TIGIT: variants seen among roughly 807,000 people sequenced by gnomAD.
The protein encoded by TIGIT is T-cell immunoreceptor with Ig and ITIM domains.
TIGIT carries 11 observed loss-of-function variants against 19.6 expected under a neutral mutation model. That is an observed-to-expected ratio of 0.56 (90% CI 0.35 to 0.93). TIGIT has a LOEUF of 0.93. TIGIT is among the 40% of genes least tolerant of loss of function. The pLI is 0.01. For missense variants in TIGIT, 295 were observed against 303.9 expected (o/e 0.97, Z 0.22); for synonymous variants, 130 against 125.5 (o/e 1.04, Z -0.24).
intron 3 of TIGIT, among the ~76,000 whole-genome samples, chr3:114,300,850 T>A (rs139315981): frequency 7.2e-4 from 109 of 152,284 alleles, no homozygotes; most frequent in Admixed American, 2.5e-3. Context: ...AATCCCTTCA[T>A]GAGGGCAGAT....
chr3:114,299,569 A>T, intron 2 of TIGIT, 28 bp from the exon 3 acceptor site: 1 of 1,550,348 alleles, frequency 6.5e-7, no homozygotes, highest in Non-Finnish European at 8.9e-7. Context: ...GGCTTCTGCC[A>T]CTCATCTCTG....
At chr3:114,307,679 G>A (rs1196625873) in intron 3 of TIGIT, 5 of 556,256 alleles carry the variant, frequency 9.0e-6, no homozygotes, top group African/African-American at 5.6e-5. Context: ...TGTGTGGCAC[G>A]TGGTATATGT....
intron 3 of TIGIT, among the ~76,000 whole-genome samples, chr3:114,305,864 GGATAGATAGATAGATAGATA>G (rs747740694): frequency 4.1e-5 from 6 of 145,046 alleles, no homozygotes; most frequent in Non-Finnish European, 9.1e-5. Context: ...ATGGATGGAT[GGATAGATAGATAGATAGATA>G]GATAGATAGA....
chr3:114,304,816 G>A (rs966361369), intron 3 of TIGIT, among the ~76,000 whole-genome samples: 3 of 152,182 alleles, frequency 2.0e-5, no homozygotes, highest in African/African-American at 7.2e-5. Context: ...AGAAGCAGGT[G>A]GTTCCTGGCT....
At chr3:114,297,723 C>T (rs574455321) in intron 2 of TIGIT, among the ~76,000 whole-genome samples, 42 of 152,276 alleles carry the variant, frequency 2.8e-4, no homozygotes, top group African/African-American at 8.7e-4. Flanking sequence ...CACAGTGGCA[C>T]GGCTATTTCC....
rs778198855 is a variant in TIGIT, at chr3:114,299,690, C to T, written c.485C>T (p.Ala162Val). Reference protein sequence around the residue: ...VICTAVIVVVALTRKKKALRI... With the variant: ...VICTAVIVVVVLTRKKKALRI... ...TGCACAGCAGTCATCGTGGTGGTCGCGTTGACTAGAAAGGTAATGGCTCCG... is the reference window on the plus strand; with the variant it reads ...TGCACAGCAGTCATCGTGGTGGTCGTGTTGACTAGAAAGGTAATGGCTCCG... The change falls in exon 3 of 4, where the codon GCG becomes GTG. Residue 162 changes from alanine to valine, a missense_variant. By Grantham distance (64) the Ala-to-Val change is moderately conservative. Transcript: ENST00000383671. 14 of 1,611,032 alleles carry T rather than the reference C, an allele frequency of 8.7e-6. No individual in the cohort carries two copies. The highest frequency in any genetic ancestry group is 2.2e-5 in the East Asian group (1 of 44,890).
chr3:114,303,079 AT>A (rs948620442), intron 3 of TIGIT, among the ~76,000 whole-genome samples: 27 of 152,070 alleles, frequency 1.8e-4, no homozygotes, highest in African/African-American at 6.0e-4. Context: ...ATTTCATATA[AT>A]TTTTATGTGT....
At chr3:114,295,942 A>T in intron 2 of TIGIT, 68 bp downstream of exon 2, 1 of 1,266,524 alleles carries the variant, frequency 7.9e-7, no homozygotes. Flanking sequence ...ATCCTGAAAC[A>T]CTGCACAGCA....
Position 114,297,358 on chromosome 3 carries a change from A to C in TIGIT, c.391+1484A>C, listed in dbSNP as rs116874682. The stretch of plus-strand genomic sequence containing the variant: ...GCTGATACAAGTAAGGTCTTACAAC[A>C]GTGCTAGATAGGTAATAAGCTTAAC... On this transcript the variant is annotated intron_variant, in intron 2 of 3. Transcript: ENST00000383671. Among the ~76,000 whole-genome samples, 48 of 152,318 alleles carry C rather than the reference A, an allele frequency of 3.2e-4. No individual in the cohort carries two copies. The East Asian group carries it at 9.1e-3, about 29-fold the overall frequency.
chr3:114,307,157 A>ATTATAGGGGCAGTGAAT (rs11387861), intron 3 of TIGIT, among the ~76,000 whole-genome samples: 1 of 151,950 alleles, frequency 6.6e-6, no homozygotes, highest in Non-Finnish European at 1.5e-5. Context: ...AGGGCAGTGA[A>ATTATAGGGGCAGTGAAT]TATAGGGGCA....
At chr3:114,301,992 G>A (rs980200011) in intron 3 of TIGIT, among the ~76,000 whole-genome samples, 1 of 152,212 alleles carries the variant, frequency 6.6e-6, no homozygotes, top group East Asian at 1.9e-4. Flanking sequence ...AGGAGGAGTA[G>A]CAAGGTGCTG....
intron 1 of TIGIT, 49 bp from the exon 2 acceptor site, chr3:114,295,496 A>G (rs2107946960): frequency 1.3e-6 from 2 of 1,508,410 alleles, no homozygotes; most frequent in East Asian, 4.5e-5. Context: ...GGAAGGTTGA[A>G]GGCCAGCTGC....
intron 2 of TIGIT, among the ~76,000 whole-genome samples, chr3:114,298,411 A>G (rs2693051): frequency 0.81 from 123,626 of 152,120 alleles, 50,299 homozygotes; most frequent in East Asian, 0.88. Context: ...TTTTCACTCC[A>G]TCTATCTTCA....
chr3:114,299,446 T>A, intron 2 of TIGIT, 151 bp from the exon 3 acceptor site: 1 of 611,790 alleles, frequency 1.6e-6, no homozygotes, highest in Non-Finnish European at 3.0e-6. Context: ...TACTCTGCTG[T>A]TCAAAGTGTT....
Position 114,309,962 on chromosome 3 carries a change from G to T in TIGIT, c.*1831G>T, listed in dbSNP as rs2078561119. 1 of 152,102 alleles carries T rather than the reference G, an allele frequency of 6.6e-6. No individual in the cohort carries two copies. 9.4% of individuals were successfully genotyped at this position (152,102 alleles called of 1,614,324 possible). On this transcript the variant is annotated 3_prime_UTR_variant, in exon 4 of 4. Transcript: ENST00000383671. ...TAGAAATGGGTCAGGTTACTGAAAT[G>T]GGATTCAATTTGAAAAAAATTTTTT...
intron 3 of TIGIT, chr3:114,307,492 C>T (rs920929799): frequency 2.6e-5 from 5 of 190,362 alleles, no homozygotes; most frequent in South Asian, 1.0e-4. Context: ...TGGCTGAAGA[C>T]GAAGGTGGGG....
chr3:114,300,629 AT>A (rs1366489774), intron 3 of TIGIT, among the ~76,000 whole-genome samples: 1 of 152,172 alleles, frequency 6.6e-6, no homozygotes, highest in Non-Finnish European at 1.5e-5. Flanking sequence ...TTATTGGGAA[AT>A]TTATAAAGAA....
At chr3:114,305,800 G>C (rs1200755139) in intron 3 of TIGIT, among the ~76,000 whole-genome samples, 2 of 150,900 alleles carry the variant, frequency 1.3e-5, no homozygotes, top group Non-Finnish European at 3.0e-5. Flanking sequence ...ATGGATGGAT[G>C]GATGGATGGA....
intron 3 of TIGIT, among the ~76,000 whole-genome samples, chr3:114,301,493 C>T (rs1295946565): frequency 3.3e-5 from 5 of 152,174 alleles, no homozygotes; most frequent in African/African-American, 1.2e-4. Context: ...GAAAGTTGAT[C>T]TCTTAGCTGG....
Sources: allele counts gnomAD v4.1 joint callset (sites outside exome capture counted in the v4.1 genomes callset), GRCh38; gene constraint gnomAD v4.1.1; transcripts MANE v1.5; gene names NCBI Gene and HGNC (gene_info 2026-07-23, HGNC 2026-07-21).